PDE7B: variants seen among roughly 807,000 people sequenced by gnomAD.
PDE7B encodes the protein 3',5'-cyclic-AMP phosphodiesterase 7B.
PDE7B carries 29 observed loss-of-function variants against 56.2 expected under a neutral mutation model. The observed-to-expected ratio is 0.52, with a 90% CI of 0.38 to 0.70. The LOEUF (loss-of-function observed/expected upper bound fraction) is 0.70, where lower values mean the gene tolerates loss of function less well. Ranked by LOEUF, PDE7B falls within the 30% of genes least tolerant of loss-of-function variation. PDE7B has a pLI of 0.00. For synonymous variants in PDE7B, 197 were observed against 196.9 expected (o/e 1.00, Z 0.00); for missense variants, 490 against 565.0 (o/e 0.87, Z 1.35).
At chr6:135,940,979 A>C (rs1373098572) in intron 1 of PDE7B, among the ~76,000 whole-genome samples, 1 of 152,228 alleles carries the variant, frequency 6.6e-6, no homozygotes, top group Non-Finnish European at 1.5e-5. Context: ...ATGCAATCCC[A>C]ATAGATATAT....
intron 1 of PDE7B, among the ~76,000 whole-genome samples, chr6:135,874,737 A>C (rs922410179): frequency 5.9e-5 from 9 of 152,170 alleles, no homozygotes; most frequent in Non-Finnish European, 2.9e-5. Flanking sequence ...ATCAGAGCAA[A>C]CTTGTTAACT....
chr6:136,178,085 T>C (rs1396994077), intron 9 of PDE7B, among the ~76,000 whole-genome samples: 2 of 152,172 alleles, frequency 1.3e-5, no homozygotes, highest in Non-Finnish European at 2.9e-5. Context: ...GGTTTATAGA[T>C]GCACTCACAG....
chr6:135,906,812 T>TTTTTTTTTTTTTTTGTTTTTG (rs1776115553), intron 1 of PDE7B, among the ~76,000 whole-genome samples: 2 of 127,810 alleles, frequency 1.6e-5, no homozygotes, highest in African/African-American at 7.8e-5. Context: ...TGAGGTTTGT[T>TTTTTTTTTTTTTTTGTTTTTG]TTTTTTTTTT....
rs1285248550 is a variant in PDE7B, at chr6:135,949,854, G to A, written c.82+2330G>A. 4.6e-5 allele frequency among the ~76,000 whole-genome samples: 7 copies of A among 152,044 alleles called. No homozygotes were observed. The South Asian group carries it at 8.3e-4, about 18-fold the overall frequency. On this transcript the variant is annotated intron_variant, in intron 2 of 12. Transcript: ENST00000308191. The stretch of plus-strand genomic sequence containing the variant: ...TTAAGATAGACAGTAAATAATTAAT[G>A]ACTATTCAAAGATAATATTATGCTT...
At chr6:135,875,152 T>C (rs974992211) in intron 1 of PDE7B, among the ~76,000 whole-genome samples, 5 of 152,044 alleles carry the variant, frequency 3.3e-5, no homozygotes, top group African/African-American at 1.2e-4. Context: ...AATATATAAC[T>C]GAATTTAGTT....
intron 2 of PDE7B, among the ~76,000 whole-genome samples, chr6:136,008,000 C>G (rs929871986): frequency 1.4e-5 from 2 of 141,562 alleles, no homozygotes; most frequent in Non-Finnish European, 3.0e-5. Context: ...CACCCCACAA[C>G]AGGCCCCAGA....
At chr6:136,060,500 G>GA (rs1776819695) in intron 2 of PDE7B, among the ~76,000 whole-genome samples, 1 of 152,130 alleles carries the variant, frequency 6.6e-6, no homozygotes, top group Non-Finnish European at 1.5e-5. Context: ...TAAATTACAA[G>GA]AAAATCTAAA....
chr6:136,046,622 G>A (rs1411053843), intron 2 of PDE7B, among the ~76,000 whole-genome samples: 2 of 152,142 alleles, frequency 1.3e-5, no homozygotes, highest in East Asian at 1.9e-4. Context: ...TGCCTGTGAC[G>A]CTTCCCTGCA....
chr6:136,025,739 C>T (rs1261284897), intron 2 of PDE7B, among the ~76,000 whole-genome samples: 1 of 152,180 alleles, frequency 6.6e-6, no homozygotes, highest in Non-Finnish European at 1.5e-5. Flanking sequence ...GCCTGATCCA[C>T]CAGACACAAG....
intron 2 of PDE7B, among the ~76,000 whole-genome samples, chr6:136,073,977 G>C (rs141997193): frequency 6.6e-6 from 1 of 152,158 alleles, no homozygotes; most frequent in East Asian, 1.9e-4. Context: ...TAATTCCTTC[G>C]TGGAGAATTT....
chr6:136,156,178 T>TGTGTGTGA (rs1778601198), intron 8 of PDE7B: 1 of 325,392 alleles, frequency 3.1e-6, no homozygotes, highest in African/African-American at 2.3e-5. Context: ...TGTGTGTGTG[T>TGTGTGTGA]GTGTGTGTGT....
chr6:135,894,099 A>T (rs2128190494), intron 1 of PDE7B, among the ~76,000 whole-genome samples: 1 of 152,274 alleles, frequency 6.6e-6, no homozygotes, highest in African/African-American at 2.4e-5. Flanking sequence ...ACCTACCATA[A>T]AAGTTTTATT....
At chr6:135,935,997 A>G (rs1289621909) in intron 1 of PDE7B, among the ~76,000 whole-genome samples, 2 of 152,162 alleles carry the variant, frequency 1.3e-5, no homozygotes, top group East Asian at 3.9e-4. Context: ...CCTTCTCCCT[A>G]TGCAAAAGTG....
At chr6:135,934,524 C>T (rs77760681) in intron 1 of PDE7B, among the ~76,000 whole-genome samples, 28,351 of 150,610 alleles carry the variant, frequency 0.19, 2,859 homozygotes, top group South Asian at 0.26. Context: ...GTCAGGAGTT[C>T]GAGACCAGTC....
chr6:136,061,278 T>G (rs569836936), intron 2 of PDE7B, among the ~76,000 whole-genome samples: 2 of 152,348 alleles, frequency 1.3e-5, no homozygotes, highest in Admixed American at 6.5e-5. Context: ...TGTCCAATTC[T>G]TAACAAAATA....
chr6:136,153,432 C>T (rs886658227), intron 6 of PDE7B, among the ~76,000 whole-genome samples: 8 of 152,134 alleles, frequency 5.3e-5, no homozygotes, highest in Non-Finnish European at 8.8e-5. Context: ...AAACCAAAAT[C>T]GCCTTGCCTG....
chr6:136,158,803 A>C (rs1436931514), intron 8 of PDE7B, among the ~76,000 whole-genome samples: 1 of 152,262 alleles, frequency 6.6e-6, no homozygotes, highest in Non-Finnish European at 1.5e-5. Flanking sequence ...GAAAAACAGC[A>C]TGTGAGAAAT....
intron 2 of PDE7B, among the ~76,000 whole-genome samples, chr6:136,078,483 C>T (rs1340658090): frequency 6.6e-6 from 1 of 151,696 alleles, no homozygotes; most frequent in Non-Finnish European, 1.5e-5. Flanking sequence ...TAAAAACCTC[C>T]ATGTTAAAGT....
chr6:136,191,599 A>C lies in PDE7B; in HGVS notation c.1127-15A>C, dbSNP rs1384212460. ...CACCACGCTGTGATGCTGAGCCTTGACTTGCCTGTTCTAGGTTTCATGAGC... is the reference window on the plus strand; with the variant it reads ...CACCACGCTGTGATGCTGAGCCTTGCCTTGCCTGTTCTAGGTTTCATGAGC... On this transcript the variant is annotated splice_polypyrimidine_tract_variant and intron_variant, in intron 12 of 12. Coordinates refer to ENST00000308191, the MANE Select transcript of PDE7B (RefSeq NM_018945.4). The C allele has an allele frequency of 6.2e-7, 1 of 1,608,768 alleles. No individual in the cohort carries two copies. The highest frequency in any genetic ancestry group is 8.5e-7 in the Non-Finnish European group (1 of 1,175,484).
Sources: allele counts gnomAD v4.1 joint callset (sites outside exome capture counted in the v4.1 genomes callset), GRCh38; gene constraint gnomAD v4.1.1; transcripts MANE v1.5; gene names NCBI Gene and HGNC (gene_info 2026-07-23, HGNC 2026-07-21).